The following AGTR1 variants were observed in gnomAD, a reference collection of about 807,000 sequenced individuals.
AGTR1 encodes angiotensin II receptor type 1.
A neutral mutation model predicts 19.4 loss-of-function variants in AGTR1; 16 were observed. That is an observed-to-expected ratio of 0.82 (90% confidence interval 0.56 to 1.25). The LOEUF (loss-of-function observed/expected upper bound fraction) is 1.25, where lower values mean the gene tolerates loss of function less well. Among genes scored for constraint, AGTR1 ranks in the 50% most tolerant of loss-of-function variants. The pLI is 0.00. For missense variants in AGTR1, 373 were observed against 431.9 expected (o/e 0.86, Z 1.21); for synonymous variants, 153 against 154.9 (o/e 0.99, Z 0.09).
At chr3:148,736,017 AT>A (rs34070704) in intron 2 of AGTR1, among the ~76,000 whole-genome samples, 18 of 151,762 alleles carry the variant, frequency 1.2e-4, no homozygotes, top group African/African-American at 4.3e-4. Context: ...ACTATGGGGA[AT>A]TTTTTTTTCT....
intron 2 of AGTR1, among the ~76,000 whole-genome samples, chr3:148,737,839 G>A (rs1007135158): frequency 1.3e-4 from 20 of 152,172 alleles, no homozygotes; most frequent in African/African-American, 3.4e-4. Context: ...ATTCTTTCAA[G>A]CGAATTCTCA....
rs567259567 is a variant in AGTR1, at chr3:148,724,894, T to C, written c.-47-16095T>C. Among the ~76,000 whole-genome samples, 5 of 152,326 alleles carry C rather than the reference T, an allele frequency of 3.3e-5. No individual in the cohort carries two copies. In the South Asian group the frequency reaches 1.0e-3, roughly 32 times the overall value. On this transcript the variant is annotated intron_variant, in intron 2 of 2. Transcript: ENST00000349243. ...CAAAATATCCAAAATTATTAGCATA[T>C]TATGTTATTCTCACAAAGTCCTAAT...
chr3:148,738,019 A>G (rs1714664377), intron 2 of AGTR1, among the ~76,000 whole-genome samples: 2 of 152,208 alleles, frequency 1.3e-5, no homozygotes, highest in Admixed American at 1.3e-4. Flanking sequence ...TGATCCTCAC[A>G]AAGGCAGACT....
At chr3:148,701,814 G>C (rs145621138) in intron 1 of AGTR1, among the ~76,000 whole-genome samples, 1 of 151,994 alleles carries the variant, frequency 6.6e-6, no homozygotes, top group Non-Finnish European at 1.5e-5. Context: ...TAATCTTTCA[G>C]TTTAAGTCAA....
At chr3:148,740,061 C>A in intron 2 of AGTR1, 2 of 1,033,834 alleles carry the variant, frequency 1.9e-6, no homozygotes, top group Non-Finnish European at 1.2e-6. Flanking sequence ...AAATGAATAG[C>A]TTGACTGTTG....
intron 2 of AGTR1, among the ~76,000 whole-genome samples, chr3:148,710,139 AAC>A (rs1433461339): frequency 1.3e-5 from 2 of 152,202 alleles, no homozygotes; most frequent in African/African-American, 4.8e-5. Context: ...TACTGCTGTA[AAC>A]ACACTTATTA....
At chr3:148,698,237 A>T (rs1460724248) in intron 1 of AGTR1, 110 bp downstream of exon 1, 1 of 152,212 alleles carries the variant, frequency 6.6e-6, no homozygotes, top group Non-Finnish European at 1.5e-5. Context: ...GCTCTCGGGG[A>T]CCAAGGAAAG....
intron 1 of AGTR1, 23 bp from the exon 2 acceptor site, chr3:148,707,921 G>A (rs1026731772): frequency 1.3e-5 from 2 of 152,154 alleles, no homozygotes; most frequent in African/African-American, 2.4e-5. Context: ...AGTGGAATGC[G>A]TTAATCATTT....
chr3:148,737,287 A>C (rs1350065818), intron 2 of AGTR1, among the ~76,000 whole-genome samples: 1 of 152,016 alleles, frequency 6.6e-6, no homozygotes, highest in East Asian at 1.9e-4. Flanking sequence ...TGCTGCAGGC[A>C]TTAGTAAGGA....
intron 1 of AGTR1, among the ~76,000 whole-genome samples, chr3:148,705,802 G>GT (rs1248834087): frequency 6.6e-6 from 1 of 151,748 alleles, no homozygotes; most frequent in African/African-American, 2.4e-5. Context: ...CATATGAATC[G>GT]TAAGTGTGAT....
intron 1 of AGTR1, among the ~76,000 whole-genome samples, chr3:148,702,107 A>T (rs1712383115): frequency 6.6e-6 from 1 of 150,410 alleles, no homozygotes; most frequent in Non-Finnish European, 1.5e-5. Flanking sequence ...CCTCCTTAGT[A>T]GCTGGGATTA....
At chr3:148,707,851 C>T (rs1712758383) in intron 1 of AGTR1, 93 bp from the exon 2 acceptor site, 2 of 152,150 alleles carry the variant, frequency 1.3e-5, no homozygotes, top group African/African-American at 4.8e-5. Flanking sequence ...CAAAAACACT[C>T]TTAAGATGCA....
At chr3:148,709,315 A>G (rs2107932664) in intron 2 of AGTR1, among the ~76,000 whole-genome samples, 1 of 152,244 alleles carries the variant, frequency 6.6e-6, no homozygotes, top group East Asian at 1.9e-4. Flanking sequence ...TCAGCCCACT[A>G]GCAGGAAAAG....
intron 2 of AGTR1, among the ~76,000 whole-genome samples, chr3:148,724,214 A>G (rs1036148908): frequency 6.6e-6 from 1 of 152,156 alleles, no homozygotes; most frequent in African/African-American, 2.4e-5. Context: ...CCCCTCCAAG[A>G]AAGGGGGAGG....
chr3:148,722,084 A>C (rs1481195045), intron 2 of AGTR1, among the ~76,000 whole-genome samples: 1 of 152,222 alleles, frequency 6.6e-6, no homozygotes, highest in East Asian at 1.9e-4. Flanking sequence ...TTTTGTAGGA[A>C]TACAAAAGCA....
intron 2 of AGTR1, chr3:148,730,577 C>A (rs1714198946): frequency 5.6e-6 from 1 of 179,356 alleles, no homozygotes; most frequent in Non-Finnish European, 1.2e-5. Context: ...GCTGAGGGTA[C>A]TTTTGTTGTT....
At chr3:148,719,299 A>G (rs1211730913) in intron 2 of AGTR1, among the ~76,000 whole-genome samples, 1 of 151,944 alleles carries the variant, frequency 6.6e-6, no homozygotes, top group Non-Finnish European at 1.5e-5. Context: ...ATAGGAAAAA[A>G]AAAGCCAGAA....
At chr3:148,733,208 C>A (rs992300531) in intron 2 of AGTR1, among the ~76,000 whole-genome samples, 1 of 152,162 alleles carries the variant, frequency 6.6e-6, no homozygotes, top group Non-Finnish European at 1.5e-5. Context: ...AAGAATATTT[C>A]TTCTGCAATC....
chr3:148,731,589 A>G (rs1200328138), intron 2 of AGTR1: 1 of 152,242 alleles, frequency 6.6e-6, no homozygotes, highest in African/African-American at 2.4e-5. Context: ...TGTCTTCCAA[A>G]GAACTTTTTA....
Sources: gnomAD v4.1 joint callset for allele counts (sites outside exome capture counted in the v4.1 genomes callset) on GRCh38, gnomAD v4.1.1 for gene constraint, MANE v1.5 for transcripts, NCBI Gene and HGNC (gene_info 2026-07-23, HGNC 2026-07-21) for gene names.